Variants in COL4A4 observed in about 807,000 individuals in gnomAD.
COL4A4 encodes the protein collagen alpha-4(IV) chain.
Under a neutral mutation model 192.9 loss-of-function variants are expected in COL4A4, and 105 were observed. The observed-to-expected ratio is 0.54, with a 90% CI of 0.46 to 0.64. The LOEUF (loss-of-function observed/expected upper bound fraction) is 0.64. Among genes scored for constraint, COL4A4 ranks in the 30% least tolerant of loss-of-function variants. The probability of loss-of-function intolerance (pLI) is 0.00; values close to 1 mark genes in which losing one functional copy is unlikely to be tolerated. For missense variants in COL4A4, 1,967 were observed against 2,169.3 expected, an observed-to-expected ratio of 0.91 and a Z score of 1.85; for synonymous variants, 762 against 769.9, an observed-to-expected ratio of 0.99 and a Z score of 0.17.
chr2:226,970,856 G>C, the COL4A4 span, among the ~76,000 whole-genome samples: 1 of 152,198 alleles, frequency 6.6e-6, no homozygotes, highest in East Asian at 1.9e-4. Flanking sequence ...GAGGGATATC[G>C]TGCCCATCAT....
At position 227,114,617 on chromosome 2, in the gene COL4A4, A is replaced by G. The variant is rs367645635; in HGVS notation, c.558+11T>C. On this transcript the variant is annotated intron_variant, in intron 8 of 47. Transcript: ENST00000396625. ...AAAAATTTTTTAACCCATCATGATC[A>G]TAATACTTACCTGAATACCTTTAAC... 5.0e-5 allele frequency: 80 copies of G among 1,612,600 alleles called. No individual in the cohort carries two copies. Among genetic ancestry groups the G allele is most frequent in the Non-Finnish European group, 6.5e-5 (77 of 1,178,694 alleles).
At chr2:227,054,511 A>G (rs1020710339) in intron 31 of COL4A4, 83 bp downstream of exon 31, 1 of 1,499,502 alleles carries the variant, frequency 6.7e-7, no homozygotes, top group African/African-American at 1.4e-5. Flanking sequence ...GACAAGTCCT[A>G]TTTTATTTTT....
chr2:227,160,070 C>T (rs975982080), intron 1 of COL4A4, among the ~76,000 whole-genome samples: 1 of 151,978 alleles, frequency 6.6e-6, no homozygotes, highest in Non-Finnish European at 1.5e-5. Flanking sequence ...TCCCTGTGGG[C>T]AGAGGCAATA....
At chr2:227,050,766 G>A (rs924488151) in intron 33 of COL4A4, among the ~76,000 whole-genome samples, 7 of 152,192 alleles carry the variant, frequency 4.6e-5, no homozygotes, top group Non-Finnish European at 1.0e-4. Context: ...ATGACTCTAT[G>A]TTAGGGGAAC....
chr2:227,145,365 T>C (rs2125360024), intron 2 of COL4A4, among the ~76,000 whole-genome samples: 1 of 152,296 alleles, frequency 6.6e-6, no homozygotes, highest in East Asian at 1.9e-4. Context: ...GAGAATCACT[T>C]GAACCCGGAA....
chr2:227,048,311 T>C (rs1251038329), intron 34 of COL4A4, among the ~76,000 whole-genome samples: 3 of 152,182 alleles, frequency 2.0e-5, no homozygotes, highest in South Asian at 4.1e-4. Flanking sequence ...CTGATTTTAC[T>C]CATAATAATG....
At chr2:226,968,696 G>A in the COL4A4 span, among the ~76,000 whole-genome samples, 1 of 152,176 alleles carries the variant, frequency 6.6e-6, no homozygotes, top group Non-Finnish European at 1.5e-5. Flanking sequence ...TTGAAAATGG[G>A]GAATTTTTAA....
intron 26 of COL4A4, among the ~76,000 whole-genome samples, chr2:227,062,218 CA>C (rs199981141): frequency 0.029 from 3,870 of 133,392 alleles, 70 homozygotes; most frequent in South Asian, 0.05. Flanking sequence ...GCCCGGGAGA[CA>C]AAGTGAGACT....
chr2:227,099,856 G>A (rs1289047041), intron 17 of COL4A4, among the ~76,000 whole-genome samples, 167 bp from the exon 18 acceptor site: 1 of 152,182 alleles, frequency 6.6e-6, no homozygotes, highest in East Asian at 1.9e-4. Context: ...CAGCAAAGAT[G>A]CATCTAATCT....
chr2:226,989,234 C>T, the COL4A4 span, among the ~76,000 whole-genome samples: 1 of 152,148 alleles, frequency 6.6e-6, no homozygotes, highest in Non-Finnish European at 1.5e-5. Flanking sequence ...AGGATAGAAA[C>T]CACTTATAAC....
chr2:227,017,575 G>T (rs1965163534), intron 44 of COL4A4, among the ~76,000 whole-genome samples: 1 of 152,186 alleles, frequency 6.6e-6, no homozygotes, highest in African/African-American at 2.4e-5. Context: ...GGAAGCTTCA[G>T]CCTTTGAGGG....
chr2:227,007,683 AT>A, intron 47 of COL4A4, 95 bp from the exon 48 acceptor site: 1 of 1,499,224 alleles, frequency 6.7e-7, no homozygotes, highest in Non-Finnish European at 9.1e-7. Flanking sequence ...TGATCTTAAC[AT>A]TTTTCCTTAG....
At chr2:227,153,052 A>G (rs143506215) in intron 1 of COL4A4, among the ~76,000 whole-genome samples, 2 of 152,328 alleles carry the variant, frequency 1.3e-5, no homozygotes, top group Non-Finnish European at 2.9e-5. Context: ...TATATCTTAC[A>G]TGGTGGCAGG....
intron 1 of COL4A4, among the ~76,000 whole-genome samples, chr2:227,150,512 A>G (rs2063855976): frequency 6.6e-6 from 1 of 152,196 alleles, no homozygotes; most frequent in South Asian, 2.1e-4. Flanking sequence ...ATTATCTTAT[A>G]ATAAAAATTT....
At position 227,056,074 on chromosome 2, in the gene COL4A4, G is replaced by A. The variant is rs773858171; in HGVS notation, c.2587C>T (p.Pro863Ser). 6.2e-7 allele frequency: 1 copy of A among 1,613,934 alleles called. No homozygotes were observed. Among genetic ancestry groups the A allele is most frequent in the Non-Finnish European group, 8.5e-7 (1 of 1,180,008 alleles). Residue 863 changes from proline to serine, a missense_variant, in exon 30 of 48, where the codon CCC (proline) becomes TCC (serine). Transcript: ENST00000396625. The stretch of plus-strand genomic sequence containing the variant: ...AGGCCTTTCATTCCAGCTGGCCCGG[G>A]AGGCCCCACATCTCCCGGCTGTCCT... ...GKGQPGDVGPPGPAGMKGLPG... is the reference protein window; with the variant it reads ...GKGQPGDVGPSGPAGMKGLPG...
intron 1 of COL4A4, among the ~76,000 whole-genome samples, chr2:227,150,715 C>G (rs1262447622): frequency 6.6e-6 from 1 of 152,088 alleles, no homozygotes; most frequent in Non-Finnish European, 1.5e-5. Flanking sequence ...GAGTACTGAG[C>G]AAAGGGGGAA....
At chr2:227,160,469 C>A (rs1161733532) in intron 1 of COL4A4, among the ~76,000 whole-genome samples, 1 of 152,034 alleles carries the variant, frequency 6.6e-6, no homozygotes. Flanking sequence ...CATTCTCTTC[C>A]CCTTCTGAGG....
the COL4A4 span, among the ~76,000 whole-genome samples, chr2:226,974,750 A>C: frequency 6.6e-6 from 1 of 151,968 alleles, no homozygotes; most frequent in Non-Finnish European, 1.5e-5. Context: ...CAGGGTGGAT[A>C]CTCCCTGCAG....
At chr2:226,989,403 G>A in the COL4A4 span, among the ~76,000 whole-genome samples, 1 of 152,182 alleles carries the variant, frequency 6.6e-6, no homozygotes, top group Non-Finnish European at 1.5e-5. Flanking sequence ...ACTGGAAGGG[G>A]GCTTGTGGTG....
Sources: gnomAD v4.1 joint callset for allele counts (sites outside exome capture counted in the v4.1 genomes callset) on GRCh38, gnomAD v4.1.1 for gene constraint, MANE v1.5 for transcripts, NCBI Gene and HGNC (gene_info 2026-07-23, HGNC 2026-07-21) for gene names.